The following IFT81 variants were observed in gnomAD, a reference collection of about 807,000 sequenced individuals.
The protein encoded by IFT81 is intraflagellar transport 81.
A neutral mutation model predicts 102.6 loss-of-function variants in IFT81; 72 were observed. The observed-to-expected ratio is 0.70, with a 90% CI of 0.58 to 0.85. IFT81 has a LOEUF of 0.85. Ranked by LOEUF, IFT81 falls within the 40% of genes least tolerant of loss-of-function variation. The pLI is 0.00. For missense variants in IFT81, 723 were observed against 787.3 expected, an observed-to-expected ratio of 0.92 and a Z score of 0.98; for synonymous variants, 237 against 242.7, an observed-to-expected ratio of 0.98 and a Z score of 0.22.
At chr12:110,161,012 A>G (rs931910813) in intron 10 of IFT81, among the ~76,000 whole-genome samples, 6 of 152,036 alleles carry the variant, frequency 3.9e-5, no homozygotes, top group African/African-American at 7.2e-5. Flanking sequence ...ATATTTCTCT[A>G]TTAAGTAAGA....
intron 18 of IFT81, chr12:110,216,827 A>G (rs1030131584): frequency 9.5e-6 from 3 of 315,554 alleles, no homozygotes; most frequent in African/African-American, 6.7e-5. Flanking sequence ...TACCTGACAT[A>G]TAACAGGTGC....
chr12:110,134,103 C>T (rs1355372594), intron 5 of IFT81, among the ~76,000 whole-genome samples: 1 of 152,068 alleles, frequency 6.6e-6, no homozygotes, highest in African/African-American at 2.4e-5. Context: ...TGGGTTCAAG[C>T]GATTCTCCTG....
intron 17 of IFT81, among the ~76,000 whole-genome samples, chr12:110,208,185 A>T (rs1205610744): frequency 6.6e-6 from 1 of 152,192 alleles, no homozygotes; most frequent in East Asian, 1.9e-4. Context: ...ACACACACGT[A>T]TACATACATA....
chr12:110,210,520 T>C (rs1341453978), intron 18 of IFT81, among the ~76,000 whole-genome samples: 3 of 151,816 alleles, frequency 2.0e-5, no homozygotes, highest in Non-Finnish European at 2.9e-5. Context: ...GGGAGGATTG[T>C]TTGAACCTGG....
rs868864098 is a variant in IFT81 at position 110,173,054 on chromosome 12, T to C, written c.1189-7368T>C. 9.8e-3 allele frequency among the ~76,000 whole-genome samples: 1,082 copies of C among 110,696 alleles called. 1 individual carries two copies. Among genetic ancestry groups the C allele is most frequent in the Non-Finnish European group, 0.012 (655 of 52,916 alleles). 72.6% of individuals were successfully genotyped at this position (110,696 alleles called of 152,430 possible). A position where few individuals can be genotyped will look rare whatever the true frequency, so the allele number is the denominator to read the frequency against. ...GAGGTGAGGGGCGCCTCTGCCCAGC[T>C]GCCCCTACTGGGAAGTGAGGAGCCC... On this transcript the variant is annotated intron_variant, in intron 11 of 18. Transcript: ENST00000242591.
At chr12:110,183,758 C>T (rs1318893545) in intron 12 of IFT81, among the ~76,000 whole-genome samples, 3 of 152,224 alleles carry the variant, frequency 2.0e-5, no homozygotes, top group Admixed American at 2.0e-4. Context: ...CCTTGACCAA[C>T]AAGCTGAGCC....
intron 11 of IFT81, among the ~76,000 whole-genome samples, chr12:110,177,418 G>T (rs909768828): frequency 6.6e-6 from 1 of 152,166 alleles, no homozygotes; most frequent in Admixed American, 6.5e-5. Context: ...TAGTAGCTGG[G>T]ATTACGGGCA....
At chr12:110,191,619 G>A (rs1609904) in intron 13 of IFT81, among the ~76,000 whole-genome samples, 151,234 of 152,276 alleles carry the variant, frequency 0.99, 75,102 homozygotes, top group Middle Eastern at 1. Flanking sequence ...ATTTTCCCAG[G>A]TCATACCACC....
At chr12:110,194,346 T>A (rs1897917088) in intron 14 of IFT81, among the ~76,000 whole-genome samples, 1 of 152,222 alleles carries the variant, frequency 6.6e-6, no homozygotes, top group African/African-American at 2.4e-5. Context: ...TTTATTTTCT[T>A]AGGAGCAGTT....
rs377091733 is a variant in IFT81 at position 110,189,397 on chromosome 12, G to A, written c.1339-1523G>A. Among the ~76,000 whole-genome samples, 19 of 151,624 alleles carry A rather than the reference G, an allele frequency of 1.3e-4. No individual in the cohort carries two copies. In the South Asian group the frequency reaches 3.1e-3, roughly 25 times the overall value. ...AGAGTCTCACTCTTTTGCCCAGACCGGAGTGCAGTGGTGCAGTCTCGGCTC... is the reference window on the plus strand; with the variant it reads ...AGAGTCTCACTCTTTTGCCCAGACCAGAGTGCAGTGGTGCAGTCTCGGCTC... On this transcript the variant is annotated intron_variant, in intron 12 of 18. Coordinates refer to ENST00000242591, the MANE Select transcript of IFT81 (RefSeq NM_014055.4).
chr12:110,197,166 C>T (rs1898037177), intron 14 of IFT81, among the ~76,000 whole-genome samples: 1 of 152,038 alleles, frequency 6.6e-6, no homozygotes, highest in Non-Finnish European at 1.5e-5. Context: ...CCACTGCATC[C>T]AGCCTGGGTG....
At chr12:110,217,872 G>C (rs552204330) in intron 18 of IFT81, among the ~76,000 whole-genome samples, 172 bp from the exon 19 acceptor site, 1 of 151,996 alleles carries the variant, frequency 6.6e-6, no homozygotes, top group African/African-American at 2.4e-5. Context: ...GAGCCACCTC[G>C]TCTGGCCTTA....
At chr12:110,214,759 T>C (rs974969412) in intron 18 of IFT81, among the ~76,000 whole-genome samples, 3 of 152,230 alleles carry the variant, frequency 2.0e-5, no homozygotes, top group African/African-American at 7.2e-5. Context: ...GTTCTTTAAA[T>C]AACTTTTATA....
intron 12 of IFT81, among the ~76,000 whole-genome samples, chr12:110,182,481 A>G (rs1474997950): frequency 6.6e-6 from 1 of 152,140 alleles, no homozygotes; most frequent in Admixed American, 6.5e-5. Context: ...CTCATCCTTG[A>G]GAAGTGTGAG....
intron 10 of IFT81, among the ~76,000 whole-genome samples, chr12:110,158,024 A>G (rs1332625737): frequency 6.6e-6 from 1 of 151,848 alleles, no homozygotes; most frequent in Non-Finnish European, 1.5e-5. Context: ...GGTCTCTTTC[A>G]GAGAATTTCT....
At chr12:110,143,643 CTTAAA>C in intron 9 of IFT81, 98 bp downstream of exon 9, 1 of 942,990 alleles carries the variant, frequency 1.1e-6, no homozygotes, top group Non-Finnish European at 1.6e-6. Context: ...ACTATTGACT[CTTAAA>C]TTAACCTGTG....
chr12:110,212,824 C>T (rs1476441035), intron 18 of IFT81, among the ~76,000 whole-genome samples: 2 of 151,000 alleles, frequency 1.3e-5, no homozygotes, highest in Non-Finnish European at 2.9e-5. Context: ...GAAACAAGAG[C>T]AAAACTCCAT....
Position 110,127,501 on chromosome 12 carries a change from G to C in IFT81, c.121G>C (p.Val41Leu). Residue 41 changes from valine (V) to leucine (L), a missense_variant, in exon 2 of 19, where the codon GTT becomes CTT. By Grantham distance (32) the Val-to-Leu change is conservative. Coordinates refer to ENST00000242591, the MANE Select transcript of IFT81 (RefSeq NM_014055.4). ...PMQLLQVLSD[V>L]LAEIDPKQLV... ...GCAACTATTACAAGTTCTCAGTGAT[G>C]TTCTGGCTGAGATTGACCCAAAGGT... 6.2e-7 allele frequency: 1 copy of C among 1,603,636 alleles called. No individual in the cohort carries two copies. Among genetic ancestry groups the C allele is most frequent in the Non-Finnish European group, 8.5e-7 (1 of 1,177,012 alleles).
rs1354975625 is a variant in IFT81, at chr12:110,191,011, A to G, written c.1430A>G (p.Glu477Gly). ...TCTGCACTGAAGAGTGAAGTTGATG[A>G]AATGAAAGGACGAACATTGGATGAT... ...RVSALKSEVD[E>G]MKGRTLDDMS... The change falls in exon 13 of 19, where the codon GAA (glutamate) becomes GGA (glycine). Residue 477 changes from glutamate to glycine, a missense_variant. Physicochemically the swap from Glu to Gly is moderately conservative, Grantham distance 98. Coordinates refer to ENST00000242591, the MANE Select transcript of IFT81 (RefSeq NM_014055.4). 2 of 1,610,352 alleles carry G rather than the reference A, an allele frequency of 1.2e-6. No individual in the cohort carries two copies. Among genetic ancestry groups the G allele is most frequent in the Non-Finnish European group, 1.7e-6 (2 of 1,178,624 alleles).
Sources: allele counts gnomAD v4.1 joint callset (sites outside exome capture counted in the v4.1 genomes callset), GRCh38; gene constraint gnomAD v4.1.1; transcripts MANE v1.5; gene names NCBI Gene and HGNC (gene_info 2026-07-23, HGNC 2026-07-21).